C8orf34: variants seen among roughly 807,000 people sequenced by gnomAD.
The protein encoded by C8orf34 is uncharacterized protein C8orf34.
In C8orf34, 65 loss-of-function variants were observed where a neutral mutation model predicts 68.3. The observed-to-expected ratio is 0.95, with a 90% confidence interval of 0.78 to 1.17. The LOEUF (loss-of-function observed/expected upper bound fraction) is 1.17, where lower values mean the gene tolerates loss of function less well. Among genes scored for constraint, C8orf34 ranks in the 50% most tolerant of loss-of-function variants. The pLI is 0.00. For synonymous variants in C8orf34, 244 were observed against 241.2 expected (o/e 1.01, Z -0.11); for missense variants, 664 against 655.4 (o/e 1.01, Z -0.14).
intron 10 of C8orf34, among the ~76,000 whole-genome samples, chr8:68,773,297 G>A (rs1823406699): frequency 6.6e-6 from 1 of 152,168 alleles, no homozygotes; most frequent in Admixed American, 6.5e-5. Context: ...AGATACTGAT[G>A]CCTTATTCTT....
chr8:68,803,097 A>C lies in C8orf34; in HGVS notation c.1550-12789A>C, dbSNP rs963983366. Among the ~76,000 whole-genome samples, 8 of 152,248 alleles carry C rather than the reference A, an allele frequency of 5.3e-5. No individual in the cohort carries two copies. In the East Asian group the frequency reaches 1.4e-3, roughly 26 times the overall value. On this transcript the variant is annotated intron_variant, in intron 12 of 13. Transcript: ENST00000518698. The stretch of plus-strand genomic sequence containing the variant: ...ACTTTTAAGAAATAATTCTAATATT[A>C]TGCAAACACTTCCATAGAATACAAG...
At chr8:68,473,718 C>G (rs1193065625) in intron 4 of C8orf34, among the ~76,000 whole-genome samples, 2 of 152,168 alleles carry the variant, frequency 1.3e-5, no homozygotes, top group Non-Finnish European at 2.9e-5. Flanking sequence ...TTAGTGCTCA[C>G]TGTCTCTACT....
Position 68,446,422 on chromosome 8 carries a change from T to C in C8orf34, c.569T>C (p.Val190Ala). The C allele has an allele frequency of 6.2e-7, 1 of 1,613,206 alleles. No individual in the cohort carries two copies. The highest frequency in any genetic ancestry group is 8.5e-7 in the Non-Finnish European group (1 of 1,179,618). The change falls in exon 3 of 14, where the codon GTG (valine) becomes GCG (alanine). Residue 190 changes from valine to alanine, a missense_variant. Physicochemically the swap from Val to Ala is moderately conservative, Grantham distance 64. Coordinates refer to ENST00000518698, the MANE Select transcript of C8orf34 (RefSeq NM_052958.4). The part of the protein sequence containing the change: ...KPKKSKSDLA[V>A]SNISPPSPDS... ...AAAAAATCAAAAAGTGACCTTGCTG[T>C]GTCTAATATTTCTCCACCATCACCG...
intron 3 of C8orf34, among the ~76,000 whole-genome samples, chr8:68,448,400 A>T (rs1013070440): frequency 6.6e-6 from 1 of 152,204 alleles, no homozygotes. Context: ...ATAAGAATAC[A>T]ACAGATTTAG....
intron 7 of C8orf34, among the ~76,000 whole-genome samples, chr8:68,537,993 G>T (rs754140160): frequency 1.2e-4 from 18 of 151,740 alleles, no homozygotes; most frequent in Non-Finnish European, 2.4e-4. Flanking sequence ...TAGAATAAAC[G>T]TCAATAGTTT....
chr8:68,780,078 T>C (rs925080373), intron 11 of C8orf34, among the ~76,000 whole-genome samples: 1 of 152,172 alleles, frequency 6.6e-6, no homozygotes, highest in Non-Finnish European at 1.5e-5. Context: ...GAAATGACAT[T>C]ATAAATCGAT....
chr8:68,462,354 A>G lies in C8orf34; in HGVS notation c.608-6338A>G, dbSNP rs1321329108. ...CACAATAATAATGGGAGAATCTAATACCCCACTGTCAACATTAGACACATC... is the reference window on the plus strand; with the variant it reads ...CACAATAATAATGGGAGAATCTAATGCCCCACTGTCAACATTAGACACATC... On this transcript the variant is annotated intron_variant, in intron 3 of 13. Coordinates refer to ENST00000518698, the MANE Select transcript of C8orf34 (RefSeq NM_052958.4). Among the ~76,000 whole-genome samples, 3 of 152,188 alleles carry G rather than the reference A, an allele frequency of 2.0e-5. No homozygotes were observed. In the East Asian group the frequency reaches 5.8e-4, roughly 29 times the overall value.
chr8:68,819,012 T>C lies in C8orf34; in HGVS notation c.*766T>C, dbSNP rs1824900900. The C allele has an allele frequency of 6.6e-6, 1 of 152,178 alleles. No individual in the cohort carries two copies. Among genetic ancestry groups the C allele is most frequent in the Non-Finnish European group, 1.5e-5 (1 of 68,020 alleles). The allele number at this position is 152,178 out of a possible 1,614,324, so 9.4% of individuals were successfully genotyped here. A position where few individuals can be genotyped will look rare whatever the true frequency, so the allele number is the denominator to read the frequency against. On this transcript the variant is annotated 3_prime_UTR_variant, in exon 14 of 14. Transcript: ENST00000518698. ...AGTGAATGGATCTAAGTAAATCTATTGATATCTCTACTGTCTGTTTTATTT... is the reference window on the plus strand; with the variant it reads ...AGTGAATGGATCTAAGTAAATCTATCGATATCTCTACTGTCTGTTTTATTT...
At chr8:68,615,786 A>C (rs1818190153) in intron 7 of C8orf34, among the ~76,000 whole-genome samples, 2 of 152,172 alleles carry the variant, frequency 1.3e-5, no homozygotes, top group African/African-American at 4.8e-5. Flanking sequence ...CTTTGGTATC[A>C]GGATGATGCT....
intron 1 of C8orf34, among the ~76,000 whole-genome samples, chr8:68,370,629 CTT>C (rs1241440628): frequency 6.6e-6 from 1 of 152,172 alleles, no homozygotes; most frequent in African/African-American, 2.4e-5. Context: ...CTTTCCAAGT[CTT>C]TGGATTCTTT....
chr8:68,748,938 G>A (rs1346134252), intron 10 of C8orf34, among the ~76,000 whole-genome samples: 4 of 152,056 alleles, frequency 2.6e-5, no homozygotes, highest in Non-Finnish European at 4.4e-5. Context: ...ACATGCACAC[G>A]TATGTTTATT....
intron 7 of C8orf34, among the ~76,000 whole-genome samples, chr8:68,557,210 T>G (rs1181906725): frequency 1.3e-5 from 2 of 152,198 alleles, no homozygotes; most frequent in Non-Finnish European, 2.9e-5. Flanking sequence ...GTAATTAACT[T>G]GTTACCTATT....
chr8:68,599,300 T>C (rs1817630980), intron 7 of C8orf34, among the ~76,000 whole-genome samples: 1 of 152,074 alleles, frequency 6.6e-6, no homozygotes, highest in African/African-American at 2.4e-5. Flanking sequence ...TCAATATAGT[T>C]ATAATGCAGT....
chr8:68,557,463 A>G (rs759559337), intron 7 of C8orf34, among the ~76,000 whole-genome samples: 2 of 152,200 alleles, frequency 1.3e-5, no homozygotes, highest in Non-Finnish European at 2.9e-5. Context: ...TTATTAGACA[A>G]TAATGAGGCT....
At chr8:68,783,910 A>T (rs1236625551) in intron 11 of C8orf34, among the ~76,000 whole-genome samples, 2 of 152,176 alleles carry the variant, frequency 1.3e-5, no homozygotes, top group African/African-American at 4.8e-5. Flanking sequence ...TTTTTAGAAC[A>T]GTTTTTGATG....
chr8:68,814,224 C>T (rs916172785), intron 12 of C8orf34, among the ~76,000 whole-genome samples: 2 of 152,188 alleles, frequency 1.3e-5, no homozygotes, highest in African/African-American at 4.8e-5. Flanking sequence ...TTACTAGAAG[C>T]ACAGTTTCTT....
At chr8:68,531,022 T>G (rs1389353393) in intron 6 of C8orf34, among the ~76,000 whole-genome samples, 1 of 152,128 alleles carries the variant, frequency 6.6e-6, no homozygotes, top group African/African-American at 2.4e-5. Flanking sequence ...TTACCATCTT[T>G]ATCTATGACC....
At chr8:68,643,090 G>A (rs1161528661) in intron 8 of C8orf34, among the ~76,000 whole-genome samples, 1 of 152,188 alleles carries the variant, frequency 6.6e-6, no homozygotes, top group African/African-American at 2.4e-5. Context: ...GGACCCCCAT[G>A]CTATACAAAT....
At chr8:68,445,733 G>T (rs1453732867) in intron 2 of C8orf34, among the ~76,000 whole-genome samples, 2 of 152,128 alleles carry the variant, frequency 1.3e-5, no homozygotes. Context: ...TTTATTCCAT[G>T]ACATTCATAG....
Sources: allele counts gnomAD v4.1 joint callset (sites outside exome capture counted in the v4.1 genomes callset), GRCh38; gene constraint gnomAD v4.1.1; transcripts MANE v1.5; gene names NCBI Gene and HGNC (gene_info 2026-07-23, HGNC 2026-07-21).